DCC: variants seen among roughly 807,000 people sequenced by gnomAD.
DCC encodes the protein netrin receptor DCC.
A neutral mutation model predicts 172.5 loss-of-function variants in DCC; 58 were observed. That is an observed-to-expected ratio of 0.34 (90% CI 0.27 to 0.42). The LOEUF is 0.42. Ranked by LOEUF, DCC falls within the 10% of genes least tolerant of loss-of-function variation. The pLI is 1.00. For synonymous variants in DCC, 709 were observed against 644.5 expected, an observed-to-expected ratio of 1.10 and a Z score of -1.52; for missense variants, 1,740 against 1,791.0, an observed-to-expected ratio of 0.97 and a Z score of 0.51.
chr18:53,482,899 T>G (rs940888633), intron 25 of DCC, among the ~76,000 whole-genome samples: 1 of 151,944 alleles, frequency 6.6e-6, no homozygotes, highest in African/African-American at 2.4e-5. Flanking sequence ...TATTTACAAA[T>G]GTGTTCAACT....
chr18:53,219,386 A>T (rs2055898046), intron 12 of DCC, among the ~76,000 whole-genome samples: 1 of 152,174 alleles, frequency 6.6e-6, no homozygotes, highest in Non-Finnish European at 1.5e-5. Context: ...TATACCAGTC[A>T]ACTCACTAGT....
chr18:53,163,567 T>C (rs1308387698), intron 8 of DCC, among the ~76,000 whole-genome samples: 1 of 152,212 alleles, frequency 6.6e-6, no homozygotes. Context: ...AAAGTTATTC[T>C]AGCTCAGATC....
intron 25 of DCC, among the ~76,000 whole-genome samples, chr18:53,476,122 C>A (rs1454366823): frequency 1.3e-5 from 2 of 152,116 alleles, no homozygotes; most frequent in South Asian, 2.1e-4. Flanking sequence ...TGCCTGTAAC[C>A]CCATTTTATA....
intron 26 of DCC, among the ~76,000 whole-genome samples, chr18:53,491,500 A>C (rs2045959408): frequency 6.6e-6 from 1 of 151,968 alleles, no homozygotes; most frequent in Admixed American, 6.6e-5. Flanking sequence ...TCCTAATGCT[A>C]TCCCTCCCCT....
chr18:53,150,680 GC>G (rs2043984179), intron 7 of DCC, among the ~76,000 whole-genome samples: 2 of 152,152 alleles, frequency 1.3e-5, no homozygotes, highest in African/African-American at 4.8e-5. Flanking sequence ...CCTGAAGGAG[GC>G]CCCCACGTCA....
intron 5 of DCC, among the ~76,000 whole-genome samples, chr18:53,005,434 A>G (rs533203544): frequency 1.3e-5 from 2 of 152,264 alleles, no homozygotes; most frequent in African/African-American, 4.8e-5. Flanking sequence ...TGAAATGCCT[A>G]CTTATAAAGA....
At chr18:53,204,888 A>C (rs2055600775) in intron 9 of DCC, among the ~76,000 whole-genome samples, 1 of 152,156 alleles carries the variant, frequency 6.6e-6, no homozygotes, top group Admixed American at 6.5e-5. Flanking sequence ...ATAGTGGCAT[A>C]GTGGCAAATT....
At chr18:52,681,877 C>T (rs1345028474) in intron 1 of DCC, among the ~76,000 whole-genome samples, 1 of 142,546 alleles carries the variant, frequency 7.0e-6, no homozygotes. Context: ...TTTACAGTTT[C>T]TAAATAGAGT....
At chr18:52,992,057 G>T (rs1568232320) in intron 5 of DCC, among the ~76,000 whole-genome samples, 1 of 152,170 alleles carries the variant, frequency 6.6e-6, no homozygotes, top group Non-Finnish European at 1.5e-5. Context: ...CTCATGAGGT[G>T]TTATTATTAT....
chr18:52,676,373 G>A (rs1051432136), intron 1 of DCC, among the ~76,000 whole-genome samples: 2 of 152,094 alleles, frequency 1.3e-5, no homozygotes, highest in African/African-American at 2.4e-5. Context: ...ACTATTTTTA[G>A]GATAAGTACT....
chr18:52,659,620 C>G (rs1264504881), intron 1 of DCC, among the ~76,000 whole-genome samples: 1 of 152,134 alleles, frequency 6.6e-6, no homozygotes, highest in Admixed American at 6.5e-5. Flanking sequence ...TGCAGATGCC[C>G]TGAGCTTTGG....
chr18:53,402,683 C>A, intron 18 of DCC, 103 bp from the exon 19 acceptor site: 1 of 887,294 alleles, frequency 1.1e-6, no homozygotes, highest in Non-Finnish European at 1.9e-6. Flanking sequence ...ACATGATATA[C>A]TTCTTGATAG....
intron 1 of DCC, among the ~76,000 whole-genome samples, chr18:52,476,949 G>T (rs190667775): frequency 6.6e-6 from 1 of 152,226 alleles, no homozygotes. Flanking sequence ...ACACAATTTA[G>T]CAGGGAGCTT....
intron 1 of DCC, among the ~76,000 whole-genome samples, chr18:52,353,061 A>G (rs1984196851): frequency 1.3e-5 from 2 of 152,144 alleles, no homozygotes; most frequent in Non-Finnish European, 2.9e-5. Flanking sequence ...CTACCACACT[A>G]GTTTTTCTTA....
intron 2 of DCC, among the ~76,000 whole-genome samples, chr18:52,889,940 T>C (rs2145419399): frequency 6.6e-6 from 1 of 152,200 alleles, no homozygotes; most frequent in East Asian, 1.9e-4. Context: ...AGAGTGTTAA[T>C]TGGTGTTTTT....
rs377682505 is a variant in DCC at position 53,114,781 on chromosome 18, G to T, written c.1262-42575G>T. ...GGGCTATAGATTTCTGTGGGCCCTG[G>T]CTCCTTGATTACATTTATGGTTGGA... On this transcript the variant is annotated intron_variant, in intron 7 of 28. Transcript: ENST00000442544. 1.4e-4 allele frequency among the ~76,000 whole-genome samples: 21 copies of T among 151,678 alleles called. No individual in the cohort carries two copies. In the South Asian group the frequency reaches 3.9e-3, roughly 28 times the overall value.
At chr18:52,494,273 T>TGTGC (rs1323392532) in intron 1 of DCC, among the ~76,000 whole-genome samples, 1 of 140,636 alleles carries the variant, frequency 7.1e-6, no homozygotes, top group Non-Finnish European at 1.6e-5. Flanking sequence ...GATGTGTGTG[T>TGTGC]GTGTGTGTGT....
chr18:53,473,149 T>C (rs1316605858), intron 25 of DCC, among the ~76,000 whole-genome samples: 1 of 152,208 alleles, frequency 6.6e-6, no homozygotes, highest in Non-Finnish European at 1.5e-5. Context: ...CCCTTTTATA[T>C]GTTTGAATAA....
At chr18:52,367,374 G>A (rs901248709) in intron 1 of DCC, among the ~76,000 whole-genome samples, 1 of 152,204 alleles carries the variant, frequency 6.6e-6, no homozygotes, top group African/African-American at 2.4e-5. Flanking sequence ...GGTTTGAAGG[G>A]CTCCTCAAAT....
Sources: allele counts gnomAD v4.1 joint callset (sites outside exome capture counted in the v4.1 genomes callset), GRCh38; gene constraint gnomAD v4.1.1; transcripts MANE v1.5; gene names NCBI Gene and HGNC (gene_info 2026-07-23, HGNC 2026-07-21).